The following ANKAR variants were observed in gnomAD, a reference collection of about 807,000 sequenced individuals.
ANKAR encodes ankyrin and armadillo repeat-containing protein.
Under a neutral mutation model 146.2 loss-of-function variants are expected in ANKAR, and 136 were observed. That is an observed-to-expected ratio of 0.93 (90% CI 0.81 to 1.07). The LOEUF (loss-of-function observed/expected upper bound fraction) is 1.07, where lower values mean the gene tolerates loss of function less well. Among genes scored for constraint, ANKAR ranks in the 50% least tolerant of loss-of-function variants. ANKAR has a pLI of 0.00. For missense variants in ANKAR, 1,567 were observed against 1,679.9 expected (o/e 0.93, Z 1.18); for synonymous variants, 500 against 575.8 (o/e 0.87, Z 1.88).
In ANKAR at chr2:189,743,468, C is replaced by T; in HGVS notation, c.4004C>T (p.Ser1335Phe). The change falls in exon 21 of 23, where the codon TCC (serine) becomes TTC (phenylalanine). Residue 1335 changes from serine to phenylalanine, a missense_variant. Physicochemically the swap from Ser to Phe is radical, Grantham distance 155 (BLOSUM62 -2). Transcript: ENST00000684021. ...CAACAAACACTGGTGGGACTTCCTT[C>T]CTTAAGGTATGGTCCTATGTTAGAA... is the stretch of plus-strand genomic sequence containing the variant. ...QMQQTLVGLP[S>F]LSLEKNGGPS... is the part of the protein sequence containing the mutation. 6.2e-7 allele frequency: 1 copy of T among 1,612,916 alleles called. No individual in the cohort carries two copies. The highest frequency in any genetic ancestry group is 2.2e-5 in the East Asian group (1 of 44,844).
intron 7 of ANKAR, among the ~76,000 whole-genome samples, chr2:189,697,482 G>A (rs529339768): frequency 6.6e-6 from 1 of 152,116 alleles, no homozygotes; most frequent in South Asian, 2.1e-4. Flanking sequence ...AAAACAAAAT[G>A]TTTTGCTTTA....
At chr2:189,724,316 T>G (rs922469541) in intron 12 of ANKAR, among the ~76,000 whole-genome samples, 1 of 152,214 alleles carries the variant, frequency 6.6e-6, no homozygotes. Context: ...ATCTTCTTCT[T>G]TAAATTATTC....
At chr2:189,739,944 G>T (rs970540726) in intron 19 of ANKAR, among the ~76,000 whole-genome samples, 5 of 152,200 alleles carry the variant, frequency 3.3e-5, no homozygotes, top group African/African-American at 4.8e-5. Context: ...GAGGAGAAAT[G>T]AATCTCAGAA....
chr2:189,684,438 A>G (rs1559057276), intron 2 of ANKAR, among the ~76,000 whole-genome samples: 1 of 152,168 alleles, frequency 6.6e-6, no homozygotes. Context: ...CATTAAGCTC[A>G]TTCTTGAGAG....
intron 10 of ANKAR, among the ~76,000 whole-genome samples, chr2:189,714,235 C>T (rs1009735363): frequency 1.3e-5 from 2 of 152,090 alleles, no homozygotes; most frequent in Non-Finnish European, 2.9e-5. Context: ...TATTCAGGAC[C>T]TGAACTCAGC....
intron 12 of ANKAR, among the ~76,000 whole-genome samples, chr2:189,727,573 T>A (rs944376018): frequency 6.0e-5 from 9 of 150,396 alleles, no homozygotes; most frequent in Non-Finnish European, 1.2e-4. Flanking sequence ...ATGTTTTAAT[T>A]GTAAGTAAAA....
At chr2:189,706,804 C>T (rs968221066) in intron 8 of ANKAR, 134 bp from the exon 9 acceptor site, 16 of 638,984 alleles carry the variant, frequency 2.5e-5, no homozygotes, top group South Asian at 7.9e-5. Context: ...ATGTAGAATA[C>T]GGAAGATGAG....
intron 17 of ANKAR, among the ~76,000 whole-genome samples, chr2:189,736,478 T>C (rs2042842232): frequency 6.7e-6 from 1 of 149,238 alleles, no homozygotes; most frequent in African/African-American, 2.5e-5. Flanking sequence ...TACCTTTCTT[T>C]TTGCCTATTT....
intron 18 of ANKAR, chr2:189,754,554 C>G: frequency 1.9e-6 from 1 of 522,778 alleles, no homozygotes; most frequent in Admixed American, 3.6e-5. Context: ...AGAGGCCAAT[C>G]ACTGCCCCTG....
chr2:189,676,802 AAG>A lies in ANKAR; in HGVS notation c.317_318del (p.Glu106ValfsTer19). On this transcript the variant is annotated frameshift_variant, in exon 2 of 23. Transcript: ENST00000684021. LOFTEE classifies it high-confidence loss of function. ...ACTATAGAGAGGTCCATCAAATGAT[AAG>A]AGAGTTGGCTATTGGAATTTATTGC... is the stretch of plus-strand genomic sequence containing the variant. ...LDYREVHQMI[R>X]ELAIGIYCLN... 6.2e-7 allele frequency: 1 copy of A among 1,614,174 alleles called. No individual in the cohort carries two copies. Among genetic ancestry groups the A allele is most frequent in the Non-Finnish European group, 8.5e-7 (1 of 1,180,014 alleles).
At chr2:189,737,615 T>G (rs1049030800) in intron 17 of ANKAR, 68 bp from the exon 18 acceptor site, 28 of 1,412,528 alleles carry the variant, frequency 2.0e-5, no homozygotes, top group Admixed American at 8.4e-5. Context: ...AGCAAGAACT[T>G]AAAGTCTATT....
chr2:189,744,483 G>A (rs879308625), intron 21 of ANKAR, among the ~76,000 whole-genome samples: 8 of 152,142 alleles, frequency 5.3e-5, no homozygotes, highest in Admixed American at 4.6e-4. Flanking sequence ...CCCAGCTGAA[G>A]TGTCTCTTCT....
intron 18 of ANKAR, chr2:189,753,099 T>C: frequency 1.1e-6 from 1 of 870,008 alleles, no homozygotes; most frequent in East Asian, 2.8e-5. Flanking sequence ...TTGAGATGGG[T>C]AATGGGCAGA....
intron 10 of ANKAR, among the ~76,000 whole-genome samples, chr2:189,711,650 C>G (rs939607434): frequency 6.6e-6 from 1 of 152,178 alleles, no homozygotes; most frequent in Admixed American, 6.5e-5. Flanking sequence ...CAAATAGGAA[C>G]AGCTCCGGTC....
intron 15 of ANKAR, among the ~76,000 whole-genome samples, chr2:189,729,258 T>G (rs13006842): frequency 0.058 from 8,866 of 152,288 alleles, 374 homozygotes; most frequent in Non-Finnish European, 0.09. Context: ...AATTGACATT[T>G]TGGGGTACCT....
chr2:189,682,141 A>G (rs949159573), intron 2 of ANKAR, among the ~76,000 whole-genome samples: 10 of 152,106 alleles, frequency 6.6e-5, no homozygotes, highest in African/African-American at 2.4e-4. Context: ...ATGAGCATCA[A>G]AACCATGCAT....
At chr2:189,744,990 T>TCTACTACTACTACGACTACTA (rs1553536972) in intron 22 of ANKAR, among the ~76,000 whole-genome samples, 10 of 112,422 alleles carry the variant, frequency 8.9e-5, no homozygotes, top group African/African-American at 4.1e-4. Context: ...AAACCCCATC[T>TCTACTACTACTACGACTACTA]CTACTACTAC....
At position 189,676,643 on chromosome 2, in the gene ANKAR, A is replaced by G. The variant is rs781193213; in HGVS notation, c.153A>G (p.Leu51=). ...SEIQELLTTA[L]VSWLSAKEDV... ...TACAAGAGTTACTAACTACTGCACTAGTTAGCTGGTTGTCTGCCAAAGAGG... is the reference window on the plus strand; with the variant it reads ...TACAAGAGTTACTAACTACTGCACTGGTTAGCTGGTTGTCTGCCAAAGAGG... Residue 51 remains leucine, a synonymous_variant, in exon 2 of 23, where the codon CTA becomes CTG. Coordinates refer to ENST00000684021, the MANE Select transcript of ANKAR (RefSeq NM_001378068.1). 1 of 1,614,182 alleles carries G rather than the reference A, an allele frequency of 6.2e-7. No individual in the cohort carries two copies.
chr2:189,694,984 C>G lies in ANKAR; in HGVS notation c.1311C>G (p.Tyr437Ter), dbSNP rs1414740715. Reference sequence around the variant, plus strand: ...TTTTTTTCTTTATTTTTTATAGCTACTATGTGATCTATTTTGAACTAGAAA... The same window carrying G: ...TTTTTTTCTTTATTTTTTATAGCTAGTATGTGATCTATTTTGAACTAGAAA... ...IPVMEFHGKS[Y>*]YVIYFELETF... Residue 437 changes from tyrosine (Y) to a stop codon, truncating the protein, a stop_gained, in exon 6 of 23, where the codon TAC (tyrosine) becomes TAG (stop). Transcript: ENST00000684021. LOFTEE classifies it high-confidence loss of function. 1 of 1,491,572 alleles carries G rather than the reference C, an allele frequency of 6.7e-7. No individual in the cohort carries two copies. Among genetic ancestry groups the G allele is most frequent in the Non-Finnish European group, 9.0e-7 (1 of 1,116,052 alleles). 92.4% of individuals were successfully genotyped at this position (1,491,572 alleles called of 1,614,324 possible).
Sources: gnomAD v4.1 joint callset for allele counts (sites outside exome capture counted in the v4.1 genomes callset) on GRCh38, gnomAD v4.1.1 for gene constraint, MANE v1.5 for transcripts, NCBI Gene and HGNC (gene_info 2026-07-23, HGNC 2026-07-21) for gene names.